The following WDR11 variants were observed in gnomAD, a reference collection of about 807,000 sequenced individuals.
The protein encoded by WDR11 is WD repeat-containing protein 11.
In WDR11, 83 loss-of-function variants were observed where a neutral mutation model predicts 151.2. That is an observed-to-expected ratio of 0.55 (90% CI 0.46 to 0.66). The LOEUF is 0.66. Among genes scored for constraint, WDR11 ranks in the 30% least tolerant of loss-of-function variants. The probability of loss-of-function intolerance (pLI) is 0.00; values close to 1 mark genes in which losing one functional copy is unlikely to be tolerated. For missense variants in WDR11, 1,301 were observed against 1,480.9 expected (o/e 0.88, Z 1.99); for synonymous variants, 484 against 533.1 (o/e 0.91, Z 1.27).
intron 9 of WDR11, among the ~76,000 whole-genome samples, chr10:120,868,343 A>G (rs1846390031): frequency 6.6e-6 from 1 of 152,018 alleles, no homozygotes; most frequent in Admixed American, 6.5e-5. Flanking sequence ...GGTCCCAGCT[A>G]CTTAGGGGGC....
At chr10:120,872,906 T>C (rs11199613) in intron 10 of WDR11, among the ~76,000 whole-genome samples, 1,989 of 152,324 alleles carry the variant, frequency 0.013, 17 homozygotes, top group Non-Finnish European at 0.018. Context: ...CCAGCATTTT[T>C]ACTTCCACTC....
rs1181475370 is a variant in WDR11 at position 120,871,336 on chromosome 10, G to A, written c.1461G>A (p.Leu487=). ...TTKNIKMYQP[L]LAVGTSNGSV... ...AAAACATCAAGATGTATCAGCCACT[G>A]CTGGCTGTTGGTGAGTATTTGACCT... The change falls in exon 10 of 29, where the codon CTG becomes CTA. Residue 487 remains leucine, a synonymous_variant. Transcript: ENST00000263461. 6.2e-7 allele frequency: 1 copy of A among 1,613,794 alleles called. No individual in the cohort carries two copies. The highest frequency in any genetic ancestry group is 2.2e-5 in the East Asian group (1 of 44,882).
intron 3 of WDR11, 33 bp downstream of exon 3, chr10:120,858,829 T>C (rs1488464262): frequency 5.0e-6 from 8 of 1,613,604 alleles, no homozygotes; most frequent in Non-Finnish European, 5.9e-6. Context: ...AGTGTGTATA[T>C]TGATACACTT....
In WDR11 at chr10:120,904,230, A is replaced by G. The variant is rs972910324; in HGVS notation, c.3027+88A>G. 7 of 1,082,762 alleles carry G rather than the reference A, an allele frequency of 6.5e-6. No homozygotes were observed. In the African/African-American group the frequency reaches 7.9e-5, roughly 12 times the overall value. The allele number at this position is 1,082,762 out of a possible 1,614,324, so 67.1% of individuals were successfully genotyped here. A position where few individuals can be genotyped will look rare whatever the true frequency, so the allele number is the denominator to read the frequency against. On this transcript the variant is annotated intron_variant, in intron 24 of 28. Transcript: ENST00000263461. ...CAATATATCTGTATGTATATATTTC[A>G]TAATATTTTCCCCTTGTATGTACCT...
intron 11 of WDR11, among the ~76,000 whole-genome samples, chr10:120,876,893 A>G (rs1197917763): frequency 1.3e-5 from 2 of 152,224 alleles, no homozygotes; most frequent in Non-Finnish European, 2.9e-5. Flanking sequence ...GGGCCTTTGA[A>G]GCCTCAGAAC....
In WDR11 at chr10:120,889,162, G is replaced by A. The variant is rs1309031900; in HGVS notation, c.2206G>A (p.Asp736Asn). The A allele has an allele frequency of 6.2e-7, 1 of 1,612,582 alleles. No homozygotes were observed. Among genetic ancestry groups the A allele is most frequent in the Non-Finnish European group, 8.5e-7 (1 of 1,178,724 alleles). Residue 736 changes from aspartate (D) to asparagine (N), a missense_variant, in exon 17 of 29, where the codon GAC becomes AAC. This residue lies in a region of WDR11 where 589 missense variants were observed against 670.6 expected (regional missense o/e 0.88). Coordinates refer to ENST00000263461, the MANE Select transcript of WDR11 (RefSeq NM_018117.12). The part of the protein sequence containing the change: ...GDMDGNLNFW[D>N]LKGRVSRGIP... ...TATGGATGGAAATTTAAATTTCTGG[G>A]ACTTGAAAGGCAGAGTATCCAGGTA...
intron 5 of WDR11, 23 bp from the exon 6 acceptor site, chr10:120,865,024 A>C: frequency 6.2e-7 from 1 of 1,613,334 alleles, no homozygotes; most frequent in Non-Finnish European, 8.5e-7. Context: ...TCTTTGACCC[A>C]AGTGAATGTT....
intron 14 of WDR11, among the ~76,000 whole-genome samples, chr10:120,884,664 G>A (rs560508722): frequency 1.3e-5 from 2 of 150,918 alleles, no homozygotes; most frequent in African/African-American, 4.8e-5. Context: ...TTTGTTTGAT[G>A]AAGATGTCAA....
chr10:120,908,220 G>GGTTAA (rs769786973), intron 28 of WDR11: 32 of 340,266 alleles, frequency 9.4e-5, no homozygotes, highest in Middle Eastern at 1.9e-3. Flanking sequence ...AGGATATGCA[G>GGTTAA]GTTAAGTTTC....
Position 120,852,508 on chromosome 10 carries a change from A to G in WDR11, c.87-16A>G, listed in dbSNP as rs563719276. On this transcript the variant is annotated splice_polypyrimidine_tract_variant and intron_variant, in intron 1 of 28. Transcript: ENST00000263461. ...CTTTGTTCTGTACTTAAACTTTAAC[A>G]TTACTGTTTTGCTAGGGGCTGGCAA... 3.1e-6 allele frequency: 5 copies of G among 1,611,120 alleles called. No individual in the cohort carries two copies. Among genetic ancestry groups the G allele is most frequent in the East Asian group, 2.2e-5 (1 of 44,810 alleles).
intron 1 of WDR11, chr10:120,851,735 ATTTCTCTGCTGT>A (rs1564932984): frequency 5.0e-6 from 3 of 605,652 alleles, no homozygotes; most frequent in African/African-American, 1.9e-5. Flanking sequence ...TTTCTCGCGT[ATTTCTCTGCTGT>A]TTTCTCTGCA....
chr10:120,896,576 C>T (rs1847623032), intron 19 of WDR11, among the ~76,000 whole-genome samples: 1 of 152,192 alleles, frequency 6.6e-6, no homozygotes, highest in South Asian at 2.1e-4. Flanking sequence ...CAGAACTTCC[C>T]ATTCACTGCA....
rs745876336 is a variant in WDR11 at position 120,866,566 on chromosome 10, A to G, written c.995-3A>G. On this transcript the variant is annotated splice_polypyrimidine_tract_variant and splice_region_variant and intron_variant, in intron 7 of 28. Transcript: ENST00000263461. ...CTGATATTTAAAACAATTTTATGTG[A>G]AGATCCAGATCCAGTTCAGGAGCTT... 1 of 1,614,146 alleles carries G rather than the reference A, an allele frequency of 6.2e-7. No homozygotes were observed. Among genetic ancestry groups the G allele is most frequent in the Non-Finnish European group, 8.5e-7 (1 of 1,180,024 alleles).
At chr10:120,896,644 G>A (rs1009952376) in intron 19 of WDR11, among the ~76,000 whole-genome samples, 3 of 152,144 alleles carry the variant, frequency 2.0e-5, no homozygotes, top group Non-Finnish European at 2.9e-5. Context: ...GAACTTTACC[G>A]GGGTAGTTGA....
intron 6 of WDR11, 76 bp downstream of exon 6, chr10:120,865,288 A>C: frequency 7.0e-7 from 1 of 1,419,436 alleles, no homozygotes; most frequent in Non-Finnish European, 9.9e-7. Flanking sequence ...AATCTTGCAT[A>C]AGTCTTGTCT....
intron 1 of WDR11, 133 bp from the exon 2 acceptor site, chr10:120,852,391 C>G (rs1845810848): frequency 1.3e-6 from 1 of 740,920 alleles, no homozygotes; most frequent in Non-Finnish European, 2.4e-6. Context: ...ATGATAAATA[C>G]TGGCCTTTGG....
chr10:120,873,590 C>T (rs1846624698), intron 10 of WDR11, among the ~76,000 whole-genome samples: 1 of 152,110 alleles, frequency 6.6e-6, no homozygotes, highest in East Asian at 1.9e-4. Context: ...GTTTTAAGGT[C>T]TTTCTGTGAA....
chr10:120,873,811 A>G (rs746421497), intron 10 of WDR11, 28 bp from the exon 11 acceptor site: 44 of 1,505,438 alleles, frequency 2.9e-5, no homozygotes, highest in Non-Finnish European at 3.6e-5. Context: ...CACTGAATTA[A>G]TGCTCTTCCA....
At chr10:120,880,482 A>T in intron 12 of WDR11, 2 of 258,426 alleles carry the variant, frequency 7.7e-6, no homozygotes, top group South Asian at 9.0e-5. Context: ...CAACATGGTG[A>T]AACCCCATCT....
Sources: allele counts gnomAD v4.1 joint callset (sites outside exome capture counted in the v4.1 genomes callset), GRCh38; gene constraint gnomAD v4.1.1; regional missense constraint gnomAD v4.1.1; transcripts MANE v1.5; gene names NCBI Gene and HGNC (gene_info 2026-07-23, HGNC 2026-07-21).